Variants in PEAK1 observed in about 807,000 individuals in gnomAD.
PEAK1 encodes the protein pseudopodium enriched atypical kinase 1, also known as inactive tyrosine-protein kinase PEAK1.
In PEAK1, 54 loss-of-function variants were observed where a neutral mutation model predicts 124.7. That is an observed-to-expected ratio of 0.43 (90% CI 0.35 to 0.54). PEAK1 has a LOEUF of 0.54. PEAK1 is among the 20% of genes least tolerant of loss of function. The pLI is 0.01. For synonymous variants in PEAK1, 719 were observed against 760.0 expected (o/e 0.95, Z 0.89); for missense variants, 2,046 against 2,134.5 (o/e 0.96, Z 0.82).
chr15:77,342,156 TAAAA>T (rs34828008), intron 2 of PEAK1, among the ~76,000 whole-genome samples: 3,319 of 140,310 alleles, frequency 0.024, 108 homozygotes, highest in African/African-American at 0.074. Context: ...TTCATTATGG[TAAAA>T]AAAAAAAAAA....
chr15:77,344,253 C>T (rs547012017), intron 2 of PEAK1, among the ~76,000 whole-genome samples: 240 of 152,258 alleles, frequency 1.6e-3, no homozygotes, highest in African/African-American at 5.6e-3. Context: ...AGCCACCACG[C>T]CCGGCTAATT....
At chr15:77,250,095 G>C (rs1002090179) in intron 6 of PEAK1, among the ~76,000 whole-genome samples, 2 of 147,608 alleles carry the variant, frequency 1.4e-5, no homozygotes, top group African/African-American at 5.1e-5. Context: ...GCCACAAGTA[G>C]AGGTTTAACC....
At chr15:77,393,896 C>T (rs541176591) in intron 1 of PEAK1, among the ~76,000 whole-genome samples, 107 of 152,322 alleles carry the variant, frequency 7.0e-4, no homozygotes, top group African/African-American at 2.5e-3. Context: ...GGGGAGCCCA[C>T]TGCTCTGAAG....
At chr15:77,221,891 G>A (rs1297888917) in intron 6 of PEAK1, among the ~76,000 whole-genome samples, 4 of 152,006 alleles carry the variant, frequency 2.6e-5, no homozygotes, top group Non-Finnish European at 5.9e-5. Flanking sequence ...AGCATGCAAC[G>A]CCAATTTTAA....
intron 6 of PEAK1, among the ~76,000 whole-genome samples, chr15:77,224,204 T>C (rs557409358): frequency 6.6e-6 from 1 of 152,048 alleles, no homozygotes; most frequent in Non-Finnish European, 1.5e-5. Flanking sequence ...AGATATTTTC[T>C]GGTTTCTAAT....
intron 1 of PEAK1, among the ~76,000 whole-genome samples, chr15:77,370,119 T>C (rs1443278315): frequency 6.6e-6 from 1 of 152,148 alleles, no homozygotes; most frequent in Non-Finnish European, 1.5e-5. Context: ...ACTAAGATAT[T>C]CTCTAAACCA....
At chr15:77,278,807 T>C (rs574598448) in intron 5 of PEAK1, 19 of 358,996 alleles carry the variant, frequency 5.3e-5, no homozygotes, top group Non-Finnish European at 9.1e-5. Flanking sequence ...TTTATCAAGT[T>C]TTATAAAAAT....
intron 6 of PEAK1, among the ~76,000 whole-genome samples, chr15:77,224,047 T>G (rs1276641041): frequency 6.6e-6 from 1 of 151,806 alleles, no homozygotes; most frequent in African/African-American, 2.4e-5. Flanking sequence ...TTTTCTTACT[T>G]TTTTGGACAG....
At chr15:77,201,232 CTTTTTT>C (rs11363810) in intron 6 of PEAK1, among the ~76,000 whole-genome samples, 1 of 77,220 alleles carries the variant, frequency 1.3e-5, no homozygotes, top group Admixed American at 1.9e-4. Context: ...GCCTTTGTGT[CTTTTTT>C]TTTTTTTTTT....
At chr15:77,381,417 C>A (rs2069470351) in intron 1 of PEAK1, 2 of 907,352 alleles carry the variant, frequency 2.2e-6, no homozygotes, top group Non-Finnish European at 2.6e-6. Flanking sequence ...CATAGTGAGA[C>A]CCTGTCTCTT....
At chr15:77,264,773 C>T (rs895589021) in intron 5 of PEAK1, among the ~76,000 whole-genome samples, 1 of 151,950 alleles carries the variant, frequency 6.6e-6, no homozygotes, top group Non-Finnish European at 1.5e-5. Context: ...TCATATGAAA[C>T]CAAAAAAGAG....
At chr15:77,140,377 A>G (rs1426707806) in intron 8 of PEAK1, among the ~76,000 whole-genome samples, 2 of 152,202 alleles carry the variant, frequency 1.3e-5, no homozygotes, top group African/African-American at 4.8e-5. Flanking sequence ...AACATATAAA[A>G]AAGGATTATA....
intron 6 of PEAK1, among the ~76,000 whole-genome samples, chr15:77,208,133 T>C (rs759254987): frequency 2.6e-5 from 4 of 152,220 alleles, no homozygotes; most frequent in Non-Finnish European, 5.9e-5. Flanking sequence ...ACAGCTACTA[T>C]ATACAGTGCT....
rs114418947 is a variant in PEAK1, at chr15:77,371,827, T to C, written c.-665-6602A>G. The stretch of plus-strand genomic sequence containing the variant: ...TGCTTGAAGGAGGTGGAGGTTGCAG[T>C]GACCTGAGATCGCGCCACTGCGCTC... On this transcript the variant is annotated intron_variant, in intron 1 of 9. Coordinates refer to ENST00000682557, the MANE Select transcript of PEAK1 (RefSeq NM_001385026.1). 7.3e-3 allele frequency among the ~76,000 whole-genome samples: 1,106 copies of C among 152,326 alleles called. 15 individuals carry two copies. Among genetic ancestry groups the C allele is most frequent in the African/African-American group, 0.025 (1,050 of 41,580 alleles).
chr15:77,355,900 C>A, intron 2 of PEAK1: 1 of 985,378 alleles, frequency 1.0e-6, no homozygotes, highest in Non-Finnish European at 1.2e-6. Flanking sequence ...CTCAGAAAAA[C>A]CCCTGGGTTG....
intron 6 of PEAK1, among the ~76,000 whole-genome samples, chr15:77,251,649 G>T (rs925571500): frequency 6.6e-6 from 1 of 152,066 alleles, no homozygotes; most frequent in Non-Finnish European, 1.5e-5. Flanking sequence ...GGTAGGAGGC[G>T]GGACTTTACT....
chr15:77,192,350 T>C (rs141846043), intron 6 of PEAK1, among the ~76,000 whole-genome samples: 1 of 152,332 alleles, frequency 6.6e-6, no homozygotes, highest in Non-Finnish European at 1.5e-5. Context: ...ATGGGAACTG[T>C]GGCCAGGGCA....
chr15:77,218,257 TA>T (rs1273028274), intron 6 of PEAK1, among the ~76,000 whole-genome samples: 2 of 152,190 alleles, frequency 1.3e-5, no homozygotes, highest in Non-Finnish European at 2.9e-5. Flanking sequence ...TTTTGGTAGA[TA>T]ACCTCAATCA....
intron 6 of PEAK1, among the ~76,000 whole-genome samples, chr15:77,208,369 G>A (rs1219960499): frequency 6.6e-6 from 1 of 152,140 alleles, no homozygotes; most frequent in East Asian, 1.9e-4. Context: ...TATAATCTTT[G>A]GTAACCACAT....
Sources: allele counts gnomAD v4.1 joint callset (sites outside exome capture counted in the v4.1 genomes callset), GRCh38; gene constraint gnomAD v4.1.1; transcripts MANE v1.5; gene names NCBI Gene and HGNC (gene_info 2026-07-23, HGNC 2026-07-21).